Variants in ZBBX observed in about 807,000 individuals in gnomAD.
The protein encoded by ZBBX is zinc finger B-box domain-containing protein 1.
A neutral mutation model predicts 108.5 loss-of-function variants in ZBBX; 101 were observed. The ratio of observed to expected loss-of-function variants is 0.93; its 90% CI spans 0.79 to 1.10. ZBBX has a LOEUF of 1.10. Ranked by LOEUF, ZBBX falls within the 50% of genes least tolerant of loss-of-function variation. The pLI is 0.00. For synonymous variants in ZBBX, 356 were observed against 323.4 expected, an observed-to-expected ratio of 1.10 and a Z score of -1.08; for missense variants, 1,009 against 941.4, an observed-to-expected ratio of 1.07 and a Z score of -0.94.
downstream of ZBBX, among the ~76,000 whole-genome samples, chr3:167,235,084 G>A (rs941621221): frequency 1.3e-5 from 2 of 151,678 alleles, no homozygotes; most frequent in African/African-American, 4.8e-5. Flanking sequence ...CCTTACCAGA[G>A]AAATATACTT....
chr3:167,348,715 G>C (rs1742138326), intron 9 of ZBBX, among the ~76,000 whole-genome samples: 6 of 151,916 alleles, frequency 3.9e-5, no homozygotes, highest in Admixed American at 3.9e-4. Context: ...TAACCCGAAG[G>C]AAGTTATACA....
At chr3:167,212,387 G>A in the ZBBX span, among the ~76,000 whole-genome samples, 1 of 152,138 alleles carries the variant, frequency 6.6e-6, no homozygotes, top group Non-Finnish European at 1.5e-5. Flanking sequence ...AAGACTGTAG[G>A]AACAACTGAA....
At chr3:167,240,959 C>A in intron 21 of ZBBX, 40 bp from the exon 22 acceptor site, 1 of 1,602,552 alleles carries the variant, frequency 6.2e-7, no homozygotes, top group Non-Finnish European at 8.5e-7. Flanking sequence ...ATATACAGAA[C>A]CGGGTTTCAA....
intron 18 of ZBBX, among the ~76,000 whole-genome samples, chr3:167,290,449 A>G (rs1176667374): frequency 1.3e-5 from 2 of 152,220 alleles, no homozygotes; most frequent in Non-Finnish European, 2.9e-5. Flanking sequence ...ACCAGCAGAC[A>G]TGCAGCAGAG....
At chr3:167,297,513 G>T (rs1731879613) in intron 18 of ZBBX, among the ~76,000 whole-genome samples, 1 of 151,900 alleles carries the variant, frequency 6.6e-6, no homozygotes, top group South Asian at 2.1e-4. Flanking sequence ...GGCAAGAGCA[G>T]CCACAAAAGT....
At chr3:167,213,794 C>CTTTCT in the ZBBX span, among the ~76,000 whole-genome samples, 1 of 152,006 alleles carries the variant, frequency 6.6e-6, no homozygotes, top group Non-Finnish European at 1.5e-5. Flanking sequence ...AAAAGCAGGT[C>CTTTCT]ACCTACAAAG....
chr3:167,212,152 T>G, the ZBBX span, among the ~76,000 whole-genome samples: 2 of 152,180 alleles, frequency 1.3e-5, no homozygotes, highest in Non-Finnish European at 2.9e-5. Context: ...CTTTGCTGTT[T>G]TGCAGCCTTC....
At chr3:167,299,388 C>T (rs1237318224) in intron 17 of ZBBX, among the ~76,000 whole-genome samples, 1 of 151,978 alleles carries the variant, frequency 6.6e-6, no homozygotes, top group Non-Finnish European at 1.5e-5. Flanking sequence ...AAATTCTCAG[C>T]ACATATCCCC....
rs1018915027 is a variant in ZBBX at position 167,252,149 on chromosome 3, A to T, written c.2255-9506T>A. On this transcript the variant is annotated intron_variant, in intron 20 of 21. Coordinates refer to ENST00000675490, the MANE Select transcript of ZBBX (RefSeq NM_001199201.2). ...ACCTAATGTAGTTATTTTCTGTCTT[A>T]TTCTCCCAGCTCCTTAACATGGTTG... 3.9e-6 allele frequency: 5 copies of T among 1,289,338 alleles called. No individual in the cohort carries two copies. The Admixed American group carries it at 6.9e-5, about 18-fold the overall frequency. The allele number at this position is 1,289,338 out of a possible 1,614,324, so 79.9% of individuals were successfully genotyped here.
At chr3:167,366,067 G>A in intron 5 of ZBBX, 91 bp from the exon 6 acceptor site, 12 of 943,428 alleles carry the variant, frequency 1.3e-5, no homozygotes, top group South Asian at 7.1e-5. Flanking sequence ...TTCAGAAAAT[G>A]GAAATTCAGT....
intron 16 of ZBBX, among the ~76,000 whole-genome samples, chr3:167,309,129 A>G (rs1734157584): frequency 6.6e-6 from 1 of 152,198 alleles, no homozygotes; most frequent in African/African-American, 2.4e-5. Flanking sequence ...GGCTAAAAAT[A>G]TTACTGCAGA....
At chr3:167,206,069 T>C in the ZBBX span, among the ~76,000 whole-genome samples, 29 of 152,190 alleles carry the variant, frequency 1.9e-4, no homozygotes, top group African/African-American at 6.3e-4. Context: ...CTAGTCCTTA[T>C]TTGGTTTATC....
intron 19 of ZBBX, among the ~76,000 whole-genome samples, chr3:167,284,889 T>G (rs1383931405): frequency 2.0e-5 from 3 of 152,128 alleles, no homozygotes; most frequent in Non-Finnish European, 4.4e-5. Context: ...ATGTTACGGT[T>G]AAGTTTAAGA....
intron 11 of ZBBX, among the ~76,000 whole-genome samples, chr3:167,323,420 G>A (rs1381176532): frequency 1.3e-5 from 2 of 152,066 alleles, no homozygotes; most frequent in Non-Finnish European, 2.9e-5. Flanking sequence ...AAGATGGGAG[G>A]TGACCTGGGT....
At chr3:167,250,220 C>T (rs933247604) in intron 20 of ZBBX, among the ~76,000 whole-genome samples, 2 of 152,206 alleles carry the variant, frequency 1.3e-5, no homozygotes, top group South Asian at 4.1e-4. Flanking sequence ...ATAATAGAGA[C>T]AGGAGGCCTA....
intron 20 of ZBBX, among the ~76,000 whole-genome samples, chr3:167,252,909 T>A (rs1303123201): frequency 6.6e-6 from 1 of 152,242 alleles, no homozygotes; most frequent in African/African-American, 2.4e-5. Flanking sequence ...ATTACAAAGC[T>A]CTTTTTAAAA....
the ZBBX span, among the ~76,000 whole-genome samples, chr3:167,181,672 A>G: frequency 0.013 from 2,028 of 152,236 alleles, 22 homozygotes; most frequent in South Asian, 0.026. Flanking sequence ...TCCACATACA[A>G]CACAATCAGG....
chr3:167,360,624 A>T (rs1260303138), intron 7 of ZBBX, 51 bp downstream of exon 7: 2 of 1,089,484 alleles, frequency 1.8e-6, no homozygotes, highest in East Asian at 5.8e-5. Context: ...ATTACAATGT[A>T]AAAGAAAGGG....
chr3:167,185,077 A>G, the ZBBX span, among the ~76,000 whole-genome samples: 1 of 152,226 alleles, frequency 6.6e-6, no homozygotes, highest in Non-Finnish European at 1.5e-5. Context: ...ATTAATGTAT[A>G]TATAGAGACT....
Sources: gnomAD v4.1 joint callset for allele counts (sites outside exome capture counted in the v4.1 genomes callset) on GRCh38, gnomAD v4.1.1 for gene constraint, MANE v1.5 for transcripts, NCBI Gene and HGNC (gene_info 2026-07-23, HGNC 2026-07-21) for gene names.